Variants in ISCU observed in about 807,000 individuals in gnomAD.
The protein encoded by ISCU is iron-sulfur cluster assembly enzyme, also known as iron-sulfur cluster assembly enzyme ISCU.
Under a neutral mutation model 18.4 loss-of-function variants are expected in ISCU, and 13 were observed. That is an observed-to-expected ratio of 0.71 (90% confidence interval 0.46 to 1.12). The LOEUF (loss-of-function observed/expected upper bound fraction) is 1.12, where lower values mean the gene tolerates loss of function less well. ISCU is among the 50% of genes most tolerant of loss of function. The pLI is 0.00. For synonymous variants in ISCU, 104 were observed against 87.5 expected (o/e 1.19, Z -1.06); for missense variants, 229 against 208.7 (o/e 1.10, Z -0.60).
chr12:108,564,277 A>G lies in ISCU; in HGVS notation c.115-2A>G, dbSNP rs1426904976. ...TGATTTATCTTAACCCTCTCATTTTAGGTTGTTGATCATTATGAAAATCCT... is the reference window on the plus strand; with the variant it reads ...TGATTTATCTTAACCCTCTCATTTTGGGTTGTTGATCATTATGAAAATCCT... On this transcript the variant is annotated splice_acceptor_variant, in intron 1 of 4. Coordinates refer to ENST00000311893, the MANE Select transcript of ISCU (RefSeq NM_213595.4). LOFTEE classifies it high-confidence loss of function. The G allele has an allele frequency of 6.2e-7, 1 of 1,609,634 alleles. No individual in the cohort carries two copies. Among genetic ancestry groups the G allele is most frequent in the South Asian group, 1.1e-5 (1 of 90,974 alleles).
upstream of ISCU, chr12:108,562,488 C>G (rs1196674619): frequency 2.0e-6 from 1 of 491,646 alleles, no homozygotes. Flanking sequence ...AAGGCGGACG[C>G]GTGCACGGAG....
intron 2 of ISCU, 102 bp downstream of exon 2, chr12:108,564,494 C>A: frequency 1.2e-6 from 1 of 813,928 alleles, no homozygotes; most frequent in Non-Finnish European, 2.1e-6. Context: ...GTGAGATCTC[C>A]AAGCATTTCA....
At chr12:108,565,610 AT>A (rs1268146758) in intron 3 of ISCU, among the ~76,000 whole-genome samples, 179 bp downstream of exon 3, 1 of 151,834 alleles carries the variant, frequency 6.6e-6, no homozygotes, top group Non-Finnish European at 1.5e-5. Flanking sequence ...GATCATTTTT[AT>A]TTTTTTGTTT....
At chr12:108,562,840 C>T (rs1361480111) in intron 1 of ISCU, 104 bp downstream of exon 1, 3 of 536,212 alleles carry the variant, frequency 5.6e-6, no homozygotes, top group African/African-American at 2.0e-5. Context: ...CTGTCCCCTC[C>T]CACGTCTTTG....
At chr12:108,568,534 A>C in intron 4 of ISCU, 7 of 1,282,550 alleles carry the variant, frequency 5.5e-6, no homozygotes, top group Non-Finnish European at 7.0e-6. Flanking sequence ...CTATCCTGGC[A>C]AGAAAAGCAT....
At chr12:108,564,431 C>A in intron 2 of ISCU, 39 bp downstream of exon 2, 1 of 1,393,136 alleles carries the variant, frequency 7.2e-7, no homozygotes, top group South Asian at 1.2e-5. Flanking sequence ...ACAATAATCC[C>A]TTTAAGTTTA....
At chr12:108,562,211 T>C (rs1037258565), upstream of ISCU, among the ~76,000 whole-genome samples, 39 of 152,228 alleles carry the variant, frequency 2.6e-4, no homozygotes, top group African/African-American at 9.4e-4. Flanking sequence ...ACATAAGTCC[T>C]TAGCGACCTT....
At chr12:108,562,299 C>T (rs116032057), upstream of ISCU, among the ~76,000 whole-genome samples, 2,998 of 152,362 alleles carry the variant, frequency 0.02, 98 homozygotes, top group African/African-American at 0.069. Flanking sequence ...ACTCGGTGCT[C>T]CTCTGCGCCG....
At position 108,562,749 on chromosome 12, in the gene ISCU, G is replaced by A; in HGVS notation, c.114+13G>A. On this transcript the variant is annotated intron_variant, in intron 1 of 4. Coordinates refer to ENST00000311893, the MANE Select transcript of ISCU (RefSeq NM_213595.4). Reference sequence around the variant, plus strand: ...CTATCACAAGAAGGTAGGGACAAAAGAGGGACGCGCGGAATGCCGACTCAG... The same window carrying A: ...CTATCACAAGAAGGTAGGGACAAAAAAGGGACGCGCGGAATGCCGACTCAG... 1 of 1,175,960 alleles carries A rather than the reference G, an allele frequency of 8.5e-7. No homozygotes were observed. 72.8% of individuals were successfully genotyped at this position (1,175,960 alleles called of 1,614,324 possible). A position where few individuals can be genotyped will look rare whatever the true frequency, so the allele number is the denominator to read the frequency against.
chr12:108,568,517 C>A, intron 4 of ISCU: 1 of 1,247,480 alleles, frequency 8.0e-7, no homozygotes, highest in Non-Finnish European at 1.0e-6. Context: ...TTCTGTAAGT[C>A]CCCACACTAT....
chr12:108,566,331 G>A (rs528715802), intron 3 of ISCU, among the ~76,000 whole-genome samples: 3 of 152,372 alleles, frequency 2.0e-5, no homozygotes, highest in South Asian at 2.1e-4. Context: ...ACTGTCCTCA[G>A]GTGAAGGGAG....
chr12:108,562,441 C>T (rs1270584382), upstream of ISCU: 18 of 438,968 alleles, frequency 4.1e-5, no homozygotes, highest in South Asian at 1.0e-4. Flanking sequence ...CTCCCGACCC[C>T]GCCCGCCCCC....
chr12:108,562,838 TC>T, intron 1 of ISCU, 102 bp downstream of exon 1: 1 of 536,790 alleles, frequency 1.9e-6, no homozygotes, highest in Non-Finnish European at 3.0e-6. Flanking sequence ...AGCTGTCCCC[TC>T]CCACGTCTTT....
intron 1 of ISCU, 78 bp downstream of exon 1, chr12:108,562,814 C>T: frequency 2.5e-6 from 2 of 808,046 alleles, no homozygotes; most frequent in Non-Finnish European, 3.5e-6. Flanking sequence ...GGGTTCTGCG[C>T]AGCTAGGACT....
At chr12:108,568,720 C>T (rs2031013738) in intron 4 of ISCU, 111 bp from the exon 5 acceptor site, 9 of 1,537,584 alleles carry the variant, frequency 5.9e-6, no homozygotes, top group South Asian at 2.4e-5. Context: ...GGCTTGGTTA[C>T]TCCATTAGTC....
Position 108,564,618 on chromosome 12 carries a change from A to G in ISCU, c.228+226A>G, listed in dbSNP as rs553591572. ...GTACTATGCCAACTTTTTCCAAAAT[A>G]GAAAAGTAATCTCATTTTTGTACTC... On this transcript the variant is annotated intron_variant, in intron 2 of 4. Coordinates refer to ENST00000311893, the MANE Select transcript of ISCU (RefSeq NM_213595.4). Among the ~76,000 whole-genome samples, 103 of 152,352 alleles carry G rather than the reference A, an allele frequency of 6.8e-4. 2 individuals are homozygous for G. In the South Asian group the frequency reaches 0.021, roughly 31 times the overall value.
Sources: allele counts gnomAD v4.1 joint callset (sites outside exome capture counted in the v4.1 genomes callset), GRCh38; gene constraint gnomAD v4.1.1; transcripts MANE v1.5; gene names NCBI Gene and HGNC (gene_info 2026-07-23, HGNC 2026-07-21).